Variants in HDGFL2 observed in about 807,000 individuals in gnomAD.
The protein encoded by HDGFL2 is HDGF like 2.
Under a neutral mutation model 77.1 loss-of-function variants are expected in HDGFL2, and 36 were observed. The ratio of observed to expected loss-of-function variants is 0.47; its 90% CI spans 0.36 to 0.62. HDGFL2 has a LOEUF of 0.62. Among genes scored for constraint, HDGFL2 ranks in the 20% least tolerant of loss-of-function variants. The pLI, the probability that HDGFL2 is intolerant of heterozygous loss-of-function variation, is 0.00. For missense variants in HDGFL2, 976 were observed against 973.4 expected, an observed-to-expected ratio of 1.00 and a Z score of -0.04; for synonymous variants, 463 against 413.1, an observed-to-expected ratio of 1.12 and a Z score of -1.46.
At chr19:4,484,008 C>T (rs933073728) in intron 3 of HDGFL2, among the ~76,000 whole-genome samples, 2 of 150,248 alleles carry the variant, frequency 1.3e-5, no homozygotes, top group Admixed American at 1.3e-4. Flanking sequence ...CCAGGATGGT[C>T]TTGATCTCCT....
At chr19:4,482,869 G>C (rs1056800279) in intron 3 of HDGFL2, among the ~76,000 whole-genome samples, 1 of 152,110 alleles carries the variant, frequency 6.6e-6, no homozygotes, top group Non-Finnish European at 1.5e-5. Flanking sequence ...GCACTCACCA[G>C]CTCCTCCTGT....
intron 3 of HDGFL2, among the ~76,000 whole-genome samples, chr19:4,484,995 A>G (rs973564379): frequency 6.6e-6 from 1 of 151,618 alleles, no homozygotes; most frequent in Admixed American, 6.6e-5. Flanking sequence ...TTTAGTAGAG[A>G]CAGGGTTTCA....
chr19:4,493,945 T>G (rs1179761312), intron 7 of HDGFL2, 37 bp from the exon 8 acceptor site: 2 of 1,582,092 alleles, frequency 1.3e-6, no homozygotes, highest in African/African-American at 2.7e-5. Context: ...CTTGGAGCCC[T>G]GGAAGGGAAG....
rs1356310876 is a variant in HDGFL2 at position 4,493,202 on chromosome 19, CTG to C, written c.679-498_679-497del. On this transcript the variant is annotated intron_variant, in intron 6 of 15. Transcript: ENST00000616600. ...TGCGTGGTGTGTGTGTTGTCTGTGT[CTG>C]TGCGGTGTGTGTGGTGTGGTGTGTG... 4.3e-3 allele frequency among the ~76,000 whole-genome samples: 338 copies of C among 78,560 alleles called. 1 individual carries two copies. The highest frequency in any genetic ancestry group is 0.015 in the African/African-American group (304 of 20,358). The allele number at this position is 78,560 out of a possible 152,430, so 51.5% of individuals were successfully genotyped here. A position where few individuals can be genotyped will look rare whatever the true frequency, so the allele number is the denominator to read the frequency against.
At chr19:4,475,414 C>T in intron 2 of HDGFL2, 31 bp from the exon 3 acceptor site, 5 of 1,613,954 alleles carry the variant, frequency 3.1e-6, no homozygotes, top group South Asian at 1.1e-5. Context: ...GCCTCACTCA[C>T]CTGGGACTGG....
intron 1 of HDGFL2, among the ~76,000 whole-genome samples, chr19:4,472,713 C>G (rs1468195977): frequency 1.4e-5 from 2 of 147,468 alleles, no homozygotes; most frequent in Non-Finnish European, 3.0e-5. Context: ...GAGCCCCGCC[C>G]TCGGGGCCTG....
chr19:4,500,015 G>T (rs916776191), intron 14 of HDGFL2, among the ~76,000 whole-genome samples: 1 of 143,884 alleles, frequency 7.0e-6, no homozygotes, highest in Non-Finnish European at 1.5e-5. Flanking sequence ...GCCCAGAGAG[G>T]GGGGTGGCTC....
intron 1 of HDGFL2, among the ~76,000 whole-genome samples, chr19:4,472,706 C>T (rs1356512753): frequency 6.7e-6 from 1 of 149,838 alleles, no homozygotes; most frequent in Non-Finnish European, 1.5e-5. Context: ...CCTCAGGGAG[C>T]CCCGCCCTCG....
At chr19:4,483,734 T>C (rs535584048) in intron 3 of HDGFL2, among the ~76,000 whole-genome samples, 18 of 151,416 alleles carry the variant, frequency 1.2e-4, no homozygotes, top group African/African-American at 3.9e-4. Context: ...CTCCAGCCTG[T>C]CACACGCCAT....
chr19:4,493,169 G>A (rs1272875232), intron 6 of HDGFL2, among the ~76,000 whole-genome samples: 1 of 140,284 alleles, frequency 7.1e-6, no homozygotes, highest in Non-Finnish European at 1.5e-5. Context: ...TTGTCTGTGT[G>A]TGGTGTGTGC....
intron 14 of HDGFL2, 113 bp downstream of exon 14, chr19:4,499,817 C>A: frequency 2.3e-6 from 2 of 877,582 alleles, no homozygotes; most frequent in Non-Finnish European, 3.4e-6. Flanking sequence ...CCCAAACCTG[C>A]CAGAGTGTCA....
At chr19:4,483,287 G>A (rs1452236137) in intron 3 of HDGFL2, among the ~76,000 whole-genome samples, 2 of 152,178 alleles carry the variant, frequency 1.3e-5, no homozygotes, top group Non-Finnish European at 2.9e-5. Flanking sequence ...ATTGGGGGCC[G>A]CTAGCCTGCG....
chr19:4,489,150 C>T (rs950563333), intron 4 of HDGFL2, among the ~76,000 whole-genome samples: 1 of 151,756 alleles, frequency 6.6e-6, no homozygotes, highest in Non-Finnish European at 1.5e-5. Context: ...GACGGGGATT[C>T]ACCAGGTCCC....
At chr19:4,487,429 G>T (rs1372306779) in intron 3 of HDGFL2, among the ~76,000 whole-genome samples, 1 of 151,970 alleles carries the variant, frequency 6.6e-6, no homozygotes, top group African/African-American at 2.4e-5. Context: ...GCTAATATGT[G>T]CATCTTTTGT....
chr19:4,484,396 A>AT (rs967233221), intron 3 of HDGFL2, among the ~76,000 whole-genome samples: 4 of 151,778 alleles, frequency 2.6e-5, no homozygotes, highest in Admixed American at 6.6e-5. Flanking sequence ...TTTTATTATT[A>AT]TTTTTTTTCC....
chr19:4,478,706 G>A (rs1355442084), intron 3 of HDGFL2, among the ~76,000 whole-genome samples: 1 of 151,318 alleles, frequency 6.6e-6, no homozygotes, highest in East Asian at 2.0e-4. Flanking sequence ...TTTTCAGACG[G>A]TGTCTCACTC....
chr19:4,497,621 C>T (rs1975741422), intron 10 of HDGFL2: 1 of 380,570 alleles, frequency 2.6e-6, no homozygotes. Flanking sequence ...GGGCCTCTCT[C>T]CTGCACGCGT....
chr19:4,478,079 CAAAAAAAAAA>C (rs1160351990), intron 3 of HDGFL2, among the ~76,000 whole-genome samples: 1 of 78,606 alleles, frequency 1.3e-5, no homozygotes, highest in African/African-American at 5.2e-5. Flanking sequence ...GACTCTGTCT[CAAAAAAAAAA>C]AAAAAAAAGA....
At position 4,475,326 on chromosome 19, in the gene HDGFL2, A is replaced by G; in HGVS notation, c.124A>G (p.Ile42Val). The change falls in exon 2 of 16, where the codon ATC (isoleucine) becomes GTC (valine). Residue 42 changes from isoleucine (I) to valine (V), a missense_variant. By Grantham distance (29) the Ile-to-Val change is conservative. This residue lies in a region of HDGFL2 where 103 missense variants were observed against 145.7 expected (regional missense o/e 0.71). Transcript: ENST00000616600. ...GAAGCCCCCACCCAACAAGTACCCC[A>G]TCTTTTTCTTTGGCACACACGAAAC... The part of the protein sequence containing the change: ...AVKPPPNKYP[I>V]FFFGTHETAF... 2 of 1,613,742 alleles carry G rather than the reference A, an allele frequency of 1.2e-6. No homozygotes were observed. The highest frequency in any genetic ancestry group is 1.7e-6 in the Non-Finnish European group (2 of 1,179,896).
Sources: gnomAD v4.1 joint callset for allele counts (sites outside exome capture counted in the v4.1 genomes callset) on GRCh38, gnomAD v4.1.1 for gene constraint, gnomAD v4.1.1 regional missense constraint, MANE v1.5 for transcripts, NCBI Gene and HGNC (gene_info 2026-07-23, HGNC 2026-07-21) for gene names.